DPP6: variants seen among roughly 807,000 people sequenced by gnomAD.
DPP6 encodes A-type potassium channel modulatory protein DPP6.
DPP6 carries 69 observed loss-of-function variants against 122.6 expected under a neutral mutation model. That is an observed-to-expected ratio of 0.56 (90% CI 0.46 to 0.69). The LOEUF (loss-of-function observed/expected upper bound fraction) is 0.69. DPP6 is among the 30% of genes least tolerant of loss of function. DPP6 has a pLI of 0.00. For missense variants in DPP6, 928 were observed against 1,116.9 expected, an observed-to-expected ratio of 0.83 and a Z score of 2.41; for synonymous variants, 418 against 433.1, an observed-to-expected ratio of 0.97 and a Z score of 0.43.
At chr7:154,365,990 G>A (rs1812154550) in intron 1 of DPP6, among the ~76,000 whole-genome samples, 1 of 151,904 alleles carries the variant, frequency 6.6e-6, no homozygotes, top group Admixed American at 6.6e-5. Context: ...GTGGGGAAGG[G>A]GAAAGGGAGC....
chr7:153,977,123 T>C (rs1330567104), intron 1 of DPP6, among the ~76,000 whole-genome samples: 1 of 152,194 alleles, frequency 6.6e-6, no homozygotes, highest in South Asian at 2.1e-4. Context: ...TTTTTCTCTT[T>C]AGGAGTCTCT....
At chr7:154,663,555 C>T (rs549652017) in intron 6 of DPP6, among the ~76,000 whole-genome samples, 1 of 43,270 alleles carries the variant, frequency 2.3e-5, no homozygotes. Context: ...GGTGAATCAC[C>T]ATGGTGTGTT....
intron 5 of DPP6, among the ~76,000 whole-genome samples, chr7:154,589,333 T>G (rs370495530): frequency 1.6e-3 from 243 of 152,356 alleles, no homozygotes; most frequent in African/African-American, 5.5e-3. Context: ...CAGGAGCAAG[T>G]GTTCCTTGCT....
At chr7:154,711,250 A>G (rs200038535) in intron 7 of DPP6, among the ~76,000 whole-genome samples, 2 of 152,344 alleles carry the variant, frequency 1.3e-5, no homozygotes, top group African/African-American at 4.8e-5. Context: ...TTTCCTTTCC[A>G]TGATAAATAG....
At chr7:154,806,921 C>T in intron 15 of DPP6, 73 bp from the exon 16 acceptor site, 1 of 1,573,246 alleles carries the variant, frequency 6.4e-7, no homozygotes, top group Non-Finnish European at 8.6e-7. Context: ...GAGAGCCCAC[C>T]AGCTTGCGGC....
chr7:154,410,076 A>G (rs1409814094), intron 1 of DPP6, among the ~76,000 whole-genome samples: 1 of 152,244 alleles, frequency 6.6e-6, no homozygotes, highest in Non-Finnish European at 1.5e-5. Flanking sequence ...AGAAATTTAG[A>G]AATGTTAGAA....
the DPP6 span, among the ~76,000 whole-genome samples, chr7:153,824,191 C>G: frequency 6.6e-6 from 1 of 151,930 alleles, no homozygotes; most frequent in Non-Finnish European, 1.5e-5. Context: ...GAGTTCGAGA[C>G]CAGCCTGGCC....
the DPP6 span, among the ~76,000 whole-genome samples, chr7:153,858,122 T>G: frequency 6.6e-6 from 1 of 152,212 alleles, no homozygotes. Context: ...GTTTTTTGCT[T>G]TTTCTTGTTT....
chr7:154,731,602 T>C (rs1383530114), intron 8 of DPP6, among the ~76,000 whole-genome samples: 4 of 152,194 alleles, frequency 2.6e-5, no homozygotes, highest in Admixed American at 6.5e-5. Flanking sequence ...AGTGTATCTG[T>C]CTTGCTGATT....
chr7:154,055,023 T>G (rs909351012), intron 1 of DPP6, among the ~76,000 whole-genome samples: 3 of 151,976 alleles, frequency 2.0e-5, no homozygotes, highest in African/African-American at 7.3e-5. Flanking sequence ...AAATCAGGGA[T>G]ATAACATGTA....
intron 1 of DPP6, among the ~76,000 whole-genome samples, chr7:154,426,635 C>G (rs1817936016): frequency 6.6e-6 from 1 of 151,924 alleles, no homozygotes; most frequent in African/African-American, 2.4e-5. Context: ...GAGACATAGC[C>G]TTAATGTATT....
chr7:154,059,186 C>T (rs1801295188), intron 1 of DPP6: 1 of 146,244 alleles, frequency 6.8e-6, no homozygotes, highest in Non-Finnish European at 1.5e-5. Context: ...ACCCCCATCG[C>T]AGGGTGGGGG....
At chr7:154,147,379 C>T (rs1158047270) in intron 1 of DPP6, among the ~76,000 whole-genome samples, 80 of 152,104 alleles carry the variant, frequency 5.3e-4, no homozygotes, top group African/African-American at 1.9e-3. Flanking sequence ...TGGAATCTAT[C>T]AAACTGTTCA....
chr7:153,909,343 G>A (rs192383328), intron 1 of DPP6, among the ~76,000 whole-genome samples: 16 of 152,080 alleles, frequency 1.1e-4, no homozygotes, highest in Admixed American at 1.0e-3. Flanking sequence ...GCAGAGCCAC[G>A]CCCTTCCATT....
Position 154,877,565 on chromosome 7 carries a change from G to T in DPP6, c.2078+1465G>T, listed in dbSNP as rs1394399363. Among the ~76,000 whole-genome samples, 1 of 152,172 alleles carries T rather than the reference G, an allele frequency of 6.6e-6. No individual in the cohort carries two copies. The highest frequency in any genetic ancestry group is 1.5e-5 in the Non-Finnish European group (1 of 68,036). The stretch of plus-strand genomic sequence containing the variant: ...TCTCTCCGCCCAGCCAGCCATGATG[G>T]TCTCATCCTAAGCCGAGCCCTCAGT... On this transcript the variant is annotated intron_variant, in intron 20 of 25. Transcript: ENST00000377770. This position sits in a 1 kb window ranked among gnomAD's most constrained non-coding sequence, Gnocchi z 5.2.
intron 18 of DPP6, among the ~76,000 whole-genome samples, chr7:154,870,146 C>CTT (rs61457825): frequency 2.2e-4 from 27 of 121,690 alleles, no homozygotes; most frequent in South Asian, 5.6e-4. Flanking sequence ...CCAACTAATT[C>CTT]TTTTTTTTTT....
rs1215913177 is a variant in DPP6, at chr7:154,502,536, CA to C, written c.457+27500del. Among the ~76,000 whole-genome samples the C allele has an allele frequency of 2.6e-5, 4 of 152,256 alleles. No individual in the cohort carries two copies. In the East Asian group the frequency reaches 7.7e-4, roughly 29 times the overall value. On this transcript the variant is annotated intron_variant, in intron 3 of 25. Transcript: ENST00000377770. ...GGTTTTAAAAAGGGGAGTTTCCCTGCACCAGCTCTCTTCTCTTGTCTGCTGC... is the reference window on the plus strand; with the variant it reads ...GGTTTTAAAAAGGGGAGTTTCCCTGCCCAGCTCTCTTCTCTTGTCTGCTGC...
At chr7:154,149,232 T>C (rs1322322553) in intron 1 of DPP6, among the ~76,000 whole-genome samples, 3 of 152,288 alleles carry the variant, frequency 2.0e-5, no homozygotes, top group African/African-American at 7.2e-5. Flanking sequence ...CCCACCCCAC[T>C]CATCCTGCAC....
chr7:153,887,824 C>T (rs1799002991), intron 1 of DPP6: 2 of 1,436,770 alleles, frequency 1.4e-6, no homozygotes, highest in Non-Finnish European at 1.9e-6. Flanking sequence ...CAGTCCCGAA[C>T]CTCCCTGGAA....
Sources: gnomAD v4.1 joint callset for allele counts (sites outside exome capture counted in the v4.1 genomes callset) on GRCh38, gnomAD v4.1.1 for gene constraint, Gnocchi (gnomAD v3.1) non-coding constraint, MANE v1.5 for transcripts, NCBI Gene and HGNC (gene_info 2026-07-23, HGNC 2026-07-21) for gene names.